BIN3: variants seen among roughly 807,000 people sequenced by gnomAD.
The protein encoded by BIN3 is bridging integrator 3.
BIN3 carries 41 observed loss-of-function variants against 38.2 expected under a neutral mutation model. That is an observed-to-expected ratio of 1.07 (90% CI 0.84 to 1.39). The LOEUF is 1.39. Among genes scored for constraint, BIN3 ranks in the 40% most tolerant of loss-of-function variants. The probability of loss-of-function intolerance (pLI) is 0.00; values close to 1 mark genes in which losing one functional copy is unlikely to be tolerated. For synonymous variants in BIN3, 145 were observed against 122.6 expected, an observed-to-expected ratio of 1.18 and a Z score of -1.21; for missense variants, 361 against 324.3, an observed-to-expected ratio of 1.11 and a Z score of -0.87.
chr8:22,655,494 T>G (rs1803027941), intron 1 of BIN3, among the ~76,000 whole-genome samples: 2 of 152,220 alleles, frequency 1.3e-5, no homozygotes, highest in Admixed American at 1.3e-4. Flanking sequence ...CCTTGGCAAG[T>G]GGCTATCCAT....
At position 22,666,439 on chromosome 8, in the gene BIN3, A is replaced by C. The variant is rs188182096; in HGVS notation, c.8+2605T>G. Among the ~76,000 whole-genome samples the C allele has an allele frequency of 2.9e-3, 434 of 152,016 alleles. 1 individual carries two copies. Among genetic ancestry groups the C allele is most frequent in the African/African-American group, 7.5e-3 (310 of 41,408 alleles). On this transcript the variant is annotated intron_variant, in intron 1 of 8. Transcript: ENST00000276416. ...CAATGGGAGAGAAAAAGAGAGCGAG[A>C]GAGAGAGAAGCATTTGGCTTGAGGC...
chr8:22,626,336 T>C (rs878053), intron 6 of BIN3: 60,798 of 152,184 alleles, frequency 0.4, 12,527 homozygotes, highest in South Asian at 0.5. Flanking sequence ...TGGGAGGAGC[T>C]AGACTTGATG....
chr8:22,668,755 G>C (rs1803510844), intron 1 of BIN3, among the ~76,000 whole-genome samples: 1 of 152,220 alleles, frequency 6.6e-6, no homozygotes, highest in African/African-American at 2.4e-5. Flanking sequence ...GAGGGAACAA[G>C]GAAGTCCCTC....
chr8:22,664,924 T>G (rs76600518), intron 1 of BIN3, among the ~76,000 whole-genome samples: 3 of 152,374 alleles, frequency 2.0e-5, no homozygotes, highest in Non-Finnish European at 4.4e-5. Flanking sequence ...ACCCAGAAGT[T>G]TACCTTCTTT....
chr8:22,625,190 C>CG, intron 6 of BIN3: 1 of 636,292 alleles, frequency 1.6e-6, no homozygotes, highest in Non-Finnish European at 2.9e-6. Context: ...AGGTCCACAC[C>CG]GGCCTCGTCT....
chr8:22,666,424 GAA>G (rs1803421474), intron 1 of BIN3, among the ~76,000 whole-genome samples: 1 of 151,678 alleles, frequency 6.6e-6, no homozygotes, highest in South Asian at 2.1e-4. Flanking sequence ...CAATGGGAGA[GAA>G]AAAGAGAGCG....
chr8:22,650,797 G>T (rs141620753), intron 1 of BIN3, among the ~76,000 whole-genome samples: 1 of 152,334 alleles, frequency 6.6e-6, no homozygotes, highest in East Asian at 1.9e-4. Context: ...TACTTCGGAA[G>T]ATGAAGATTT....
At chr8:22,628,874 G>C (rs779926326) in intron 6 of BIN3, among the ~76,000 whole-genome samples, 3 of 152,172 alleles carry the variant, frequency 2.0e-5, no homozygotes, top group Non-Finnish European at 4.4e-5. Context: ...AGCTCTTTCT[G>C]CACCCCAGCT....
intron 1 of BIN3, among the ~76,000 whole-genome samples, chr8:22,660,275 A>C (rs1334922784): frequency 6.6e-6 from 1 of 152,258 alleles, no homozygotes; most frequent in Non-Finnish European, 1.5e-5. Flanking sequence ...CTGTAAGGTA[A>C]GAAGGGGTAG....
chr8:22,661,352 C>CTTTTTTTTTTTTTTTTTTTT (rs751194383), intron 1 of BIN3, among the ~76,000 whole-genome samples: 2 of 84,448 alleles, frequency 2.4e-5, no homozygotes, highest in East Asian at 4.1e-4. Flanking sequence ...ATGTATCATT[C>CTTTTTTTTTTTTTTTTTTTT]TTTTTTTTTT....
intron 4 of BIN3, among the ~76,000 whole-genome samples, chr8:22,636,032 C>G (rs1006046487): frequency 6.6e-6 from 1 of 152,202 alleles, no homozygotes; most frequent in African/African-American, 2.4e-5. Context: ...CCAAGGACCT[C>G]CCGGTGCCCT....
intron 4 of BIN3, among the ~76,000 whole-genome samples, chr8:22,633,289 G>A (rs898130814): frequency 6.6e-6 from 1 of 152,164 alleles, no homozygotes; most frequent in Non-Finnish European, 1.5e-5. Context: ...GGATGACACA[G>A]TGTGACTCTG....
At chr8:22,664,163 G>C (rs1803336581) in intron 1 of BIN3, among the ~76,000 whole-genome samples, 1 of 152,200 alleles carries the variant, frequency 6.6e-6, no homozygotes. Flanking sequence ...AGGTTTAACA[G>C]CTGACTCTAA....
intron 1 of BIN3, among the ~76,000 whole-genome samples, chr8:22,666,181 G>C (rs1400127987): frequency 6.6e-6 from 1 of 151,974 alleles, no homozygotes; most frequent in Non-Finnish European, 1.5e-5. Flanking sequence ...GGTTCAACAG[G>C]AGGCTACAAT....
intron 4 of BIN3, among the ~76,000 whole-genome samples, chr8:22,630,954 G>C (rs752688321): frequency 6.6e-6 from 1 of 152,326 alleles, no homozygotes; most frequent in Non-Finnish European, 1.5e-5. Context: ...TGGACGTGAT[G>C]CTTGGTTTGG....
chr8:22,631,958 G>T (rs751811730), intron 4 of BIN3, among the ~76,000 whole-genome samples: 1 of 152,214 alleles, frequency 6.6e-6, no homozygotes, highest in Non-Finnish European at 1.5e-5. Context: ...GGTCATGCTG[G>T]CCTGATGCCG....
intron 2 of BIN3, among the ~76,000 whole-genome samples, chr8:22,637,206 T>C (rs1461698114): frequency 1.3e-5 from 2 of 152,166 alleles, no homozygotes; most frequent in Non-Finnish European, 2.9e-5. Flanking sequence ...GCCAGCGGAC[T>C]GTGGCTCTGC....
chr8:22,665,012 G>C (rs1348481146), intron 1 of BIN3, among the ~76,000 whole-genome samples: 1 of 152,212 alleles, frequency 6.6e-6, no homozygotes, highest in African/African-American at 2.4e-5. Flanking sequence ...AAAAGATGAA[G>C]AAGCTCTATG....
At chr8:22,623,315 G>A (rs1301977075) in intron 8 of BIN3, among the ~76,000 whole-genome samples, 1 of 152,196 alleles carries the variant, frequency 6.6e-6, no homozygotes, top group East Asian at 1.9e-4. Flanking sequence ...TCCCCGAGTG[G>A]AAGGAGACGC....
Sources: gnomAD v4.1 joint callset for allele counts (sites outside exome capture counted in the v4.1 genomes callset) on GRCh38, gnomAD v4.1.1 for gene constraint, MANE v1.5 for transcripts, NCBI Gene and HGNC (gene_info 2026-07-23, HGNC 2026-07-21) for gene names.